CUX2: variants seen among roughly 807,000 people sequenced by gnomAD.
The protein encoded by CUX2 is homeobox protein cut-like 2.
CUX2 carries 40 observed loss-of-function variants against 144.8 expected under a neutral mutation model. The ratio of observed to expected loss-of-function variants is 0.28; its 90% CI spans 0.21 to 0.36. The LOEUF (loss-of-function observed/expected upper bound fraction) is 0.36, where lower values mean the gene tolerates loss of function less well. Ranked by LOEUF, CUX2 falls within the 10% of genes least tolerant of loss-of-function variation. CUX2 has a pLI of 1.00. For missense variants in CUX2, 1,615 were observed against 1,994.0 expected, an observed-to-expected ratio of 0.81 and a Z score of 3.62; for synonymous variants, 827 against 875.6, an observed-to-expected ratio of 0.94 and a Z score of 0.98.
chr12:111,324,401 G>C (rs1291240052), intron 18 of CUX2, among the ~76,000 whole-genome samples: 2 of 151,806 alleles, frequency 1.3e-5, no homozygotes, highest in Non-Finnish European at 2.9e-5. Context: ...CAGCCCCCCA[G>C]CTGGGGAGGG....
chr12:111,151,810 G>A (rs895329067), intron 1 of CUX2, among the ~76,000 whole-genome samples: 3 of 152,096 alleles, frequency 2.0e-5, no homozygotes, highest in Admixed American at 6.6e-5. Context: ...CTGATGGTTC[G>A]GGCATCTTTG....
chr12:111,335,377 A>G (rs1426605529), intron 19 of CUX2, among the ~76,000 whole-genome samples: 10 of 151,706 alleles, frequency 6.6e-5, no homozygotes, highest in African/African-American at 2.4e-4. Flanking sequence ...AAGGCGACAG[A>G]GCGAGACCTC....
intron 1 of CUX2, among the ~76,000 whole-genome samples, chr12:111,119,746 T>TA (rs1200333685): frequency 4.6e-5 from 7 of 152,172 alleles, no homozygotes; most frequent in African/African-American, 1.7e-4. Flanking sequence ...AAAAAATAAA[T>TA]AACGTTTACT....
In CUX2 at chr12:111,127,540, A is replaced by G. The variant is rs142670976; in HGVS notation, c.64-86660A>G. On this transcript the variant is annotated intron_variant, in intron 1 of 21. Coordinates refer to ENST00000261726, the MANE Select transcript of CUX2 (RefSeq NM_015267.4). The stretch of plus-strand genomic sequence containing the variant: ...GAGGCATGAGAATCCCAAAGTGGCC[A>G]GCTAACAGTCTTAACTTCCTTTTCA... 2.7e-3 allele frequency among the ~76,000 whole-genome samples: 415 copies of G among 152,360 alleles called. 2 individuals carry two copies. The highest frequency in any genetic ancestry group is 0.01 in the Middle Eastern group (3 of 294).
chr12:111,080,134 C>T (rs936545962), intron 1 of CUX2, among the ~76,000 whole-genome samples: 22 of 152,286 alleles, frequency 1.4e-4, no homozygotes, highest in Middle Eastern at 3.4e-3. Context: ...GGCCTTTGCA[C>T]TGGCTGTTCC....
intron 3 of CUX2, among the ~76,000 whole-genome samples, chr12:111,236,387 T>C (rs964217841): frequency 2.6e-5 from 4 of 152,182 alleles, no homozygotes; most frequent in Non-Finnish European, 5.9e-5. Flanking sequence ...GAAATCATTG[T>C]CACAAGCCCC....
At chr12:111,134,649 T>TGTGTGTG (rs1566244481) in intron 1 of CUX2, among the ~76,000 whole-genome samples, 1 of 151,758 alleles carries the variant, frequency 6.6e-6, no homozygotes, top group African/African-American at 2.4e-5. Flanking sequence ...TGTGTGTGTG[T>TGTGTGTG]TTCTGCTGCT....
At chr12:111,318,945 G>A (rs1887354950) in intron 16 of CUX2, among the ~76,000 whole-genome samples, 1 of 152,132 alleles carries the variant, frequency 6.6e-6, no homozygotes, top group South Asian at 2.1e-4. Context: ...GATGACAGGT[G>A]TGAGTCACTG....
intron 3 of CUX2, among the ~76,000 whole-genome samples, chr12:111,259,702 A>G (rs1024509272): frequency 6.6e-6 from 1 of 151,696 alleles, no homozygotes; most frequent in Non-Finnish European, 1.5e-5. Context: ...CGTCTCTACT[A>G]AAAATACAAA....
intron 4 of CUX2, among the ~76,000 whole-genome samples, chr12:111,285,265 G>C (rs1034928695): frequency 6.6e-6 from 1 of 152,186 alleles, no homozygotes; most frequent in African/African-American, 2.4e-5. Flanking sequence ...GGCAGAAGGT[G>C]GGGGAGAATG....
chr12:111,224,516 CTTT>C (rs34109440), intron 3 of CUX2, among the ~76,000 whole-genome samples: 905 of 77,236 alleles, frequency 0.012, 5 homozygotes, highest in African/African-American at 0.04. Flanking sequence ...AATTACAGGG[CTTT>C]TTTTTTTTTT....
Position 111,307,469 on chromosome 12 carries a change from G to A in CUX2, c.1109+212G>A, listed in dbSNP as rs1048860666. ...TTTGGGAGGCCCAGGCAGGAGGATC[G>A]CTTGAGGTCAGGAGTTTGAGACCAG... On this transcript the variant is annotated intron_variant, in intron 12 of 21. Transcript: ENST00000261726. This position sits in a 1 kb window ranked among gnomAD's most constrained non-coding sequence, Gnocchi z 4.1. Among the ~76,000 whole-genome samples the A allele has an allele frequency of 8.5e-5, 13 of 152,160 alleles. No homozygotes were observed. The highest frequency in any genetic ancestry group is 5.9e-4 in the Admixed American group (9 of 15,280).
chr12:111,141,610 G>C (rs1876323171), intron 1 of CUX2, among the ~76,000 whole-genome samples: 1 of 152,088 alleles, frequency 6.6e-6, no homozygotes, highest in African/African-American at 2.4e-5. Context: ...TTTCCCCCAG[G>C]TCACACAGCA....
At chr12:111,088,334 C>T (rs981007995) in intron 1 of CUX2, among the ~76,000 whole-genome samples, 4 of 152,106 alleles carry the variant, frequency 2.6e-5, no homozygotes, top group African/African-American at 9.7e-5. Flanking sequence ...TCAAGAAATC[C>T]TCCCTTCTCA....
At chr12:111,284,380 C>G (rs1256302200) in intron 4 of CUX2, among the ~76,000 whole-genome samples, 1 of 152,122 alleles carries the variant, frequency 6.6e-6, no homozygotes, top group Admixed American at 6.5e-5. Context: ...GAAGCCAGGG[C>G]CCTCATGCTC....
intron 1 of CUX2, among the ~76,000 whole-genome samples, chr12:111,197,400 C>G (rs1880305802): frequency 6.6e-6 from 1 of 152,236 alleles, no homozygotes. Flanking sequence ...GTTAGACTGT[C>G]AGCATCACAC....
intron 4 of CUX2, among the ~76,000 whole-genome samples, chr12:111,271,389 C>T (rs1207029690): frequency 6.6e-6 from 1 of 152,088 alleles, no homozygotes; most frequent in Admixed American, 6.6e-5. Flanking sequence ...CTACATGTAC[C>T]GTTTTGAATT....
chr12:111,181,603 G>C (rs557235275), intron 1 of CUX2, among the ~76,000 whole-genome samples: 1 of 152,218 alleles, frequency 6.6e-6, no homozygotes, highest in East Asian at 1.9e-4. Context: ...AGCACTGCCC[G>C]AGCCGGCGAG....
At position 111,328,858 on chromosome 12, in the gene CUX2, G is replaced by A. The variant is rs538687215; in HGVS notation, c.2927-5583G>A. On this transcript the variant is annotated intron_variant, in intron 18 of 21. Coordinates refer to ENST00000261726, the MANE Select transcript of CUX2 (RefSeq NM_015267.4). ...CCACCTTGGCCTCCCAAAGTGCTGG[G>A]ATTACAGGCATGAGCTACTGCACCC... 5.3e-5 allele frequency among the ~76,000 whole-genome samples: 8 copies of A among 151,756 alleles called. No individual in the cohort carries two copies. The East Asian group carries it at 1.6e-3, about 29-fold the overall frequency.
Sources: allele counts gnomAD v4.1 joint callset (sites outside exome capture counted in the v4.1 genomes callset), GRCh38; gene constraint gnomAD v4.1.1; non-coding constraint Gnocchi (gnomAD v3.1); transcripts MANE v1.5; gene names NCBI Gene and HGNC (gene_info 2026-07-23, HGNC 2026-07-21).